Variants in ABTB3 observed in about 807,000 individuals in gnomAD.
ABTB3 encodes the protein ankyrin repeat and BTB domain containing 3, also known as ankyrin repeat- and BTB/POZ domain-containing protein 3.
the ABTB3 span, chr12:107,319,142 A>G: frequency 1.9e-6 from 3 of 1,603,380 alleles, no homozygotes; most frequent in East Asian, 2.2e-5. Context: ...CAGCTTTGAC[A>G]CTGTCAACAC....
At chr12:107,487,988 G>T in the ABTB3 span, among the ~76,000 whole-genome samples, 2 of 151,840 alleles carry the variant, frequency 1.3e-5, no homozygotes, top group African/African-American at 4.8e-5. Flanking sequence ...TGAAAGCTAT[G>T]GGGGAGGGGT....
At chr12:107,651,639 C>T in the ABTB3 span, 1 of 1,517,928 alleles carries the variant, frequency 6.6e-7, no homozygotes, top group Non-Finnish European at 9.1e-7. Context: ...CCATCCACCT[C>T]CCAGCCTCTA....
chr12:107,619,583 C>CT, the ABTB3 span, among the ~76,000 whole-genome samples: 1 of 152,192 alleles, frequency 6.6e-6, no homozygotes, highest in Non-Finnish European at 1.5e-5. Context: ...CTTCTCCCCC[C>CT]TGAGCTTCTT....
the ABTB3 span, among the ~76,000 whole-genome samples, chr12:107,416,019 C>T: frequency 6.6e-6 from 1 of 152,100 alleles, no homozygotes; most frequent in Admixed American, 6.5e-5. Context: ...CACAGCCAGC[C>T]AGTAATGGGA....
chr12:107,422,870 T>C, the ABTB3 span, among the ~76,000 whole-genome samples: 1 of 152,228 alleles, frequency 6.6e-6, no homozygotes, highest in Admixed American at 6.5e-5. Flanking sequence ...TAGCCTTCTC[T>C]CTTATCTTGG....
chr12:107,436,003 G>C, the ABTB3 span, among the ~76,000 whole-genome samples: 1 of 152,128 alleles, frequency 6.6e-6, no homozygotes, highest in African/African-American at 2.4e-5. Context: ...TGACTAGTGG[G>C]TGCCATATTG....
At chr12:107,630,876 T>G in the ABTB3 span, among the ~76,000 whole-genome samples, 2 of 152,262 alleles carry the variant, frequency 1.3e-5, no homozygotes, top group Non-Finnish European at 2.9e-5. Context: ...TTTGTTATAA[T>G]TAATGAACCA....
chr12:107,333,056 C>A, the ABTB3 span, among the ~76,000 whole-genome samples: 1 of 152,180 alleles, frequency 6.6e-6, no homozygotes, highest in African/African-American at 2.4e-5. Context: ...TAAGGAAGAA[C>A]AAGGGGAGCT....
the ABTB3 span, among the ~76,000 whole-genome samples, chr12:107,643,807 A>G: frequency 7.7e-6 from 1 of 130,172 alleles, no homozygotes; most frequent in Non-Finnish European, 1.5e-5. Flanking sequence ...TCTGTTGTCC[A>G]GGTTGGTGTG....
At chr12:107,481,024 C>T in the ABTB3 span, among the ~76,000 whole-genome samples, 3 of 152,236 alleles carry the variant, frequency 2.0e-5, no homozygotes, top group Non-Finnish European at 4.4e-5. Flanking sequence ...CAGTGGTTCT[C>T]GATGACTGGT....
the ABTB3 span, among the ~76,000 whole-genome samples, chr12:107,337,749 T>C: frequency 4.2e-3 from 639 of 152,348 alleles, 5 homozygotes; most frequent in African/African-American, 0.014. Flanking sequence ...TTCAATGCTC[T>C]GATGACACCA....
chr12:107,559,278 A>G, the ABTB3 span, among the ~76,000 whole-genome samples: 5 of 152,232 alleles, frequency 3.3e-5, no homozygotes, highest in Non-Finnish European at 7.3e-5. Context: ...GAATGGTCCC[A>G]AGGGAAGCCA....
the ABTB3 span, among the ~76,000 whole-genome samples, chr12:107,331,397 G>A: frequency 1.3e-5 from 2 of 152,176 alleles, no homozygotes; most frequent in South Asian, 2.1e-4. Flanking sequence ...CAGTTGCTCC[G>A]CGGGAGAGGT....
At chr12:107,392,232 A>C in the ABTB3 span, among the ~76,000 whole-genome samples, 1 of 152,036 alleles carries the variant, frequency 6.6e-6, no homozygotes, top group Non-Finnish European at 1.5e-5. Context: ...GCCGTGAGCT[A>C]GCTTCTTTGG....
the ABTB3 span, among the ~76,000 whole-genome samples, chr12:107,438,247 G>T: frequency 1.3e-5 from 2 of 152,108 alleles, no homozygotes; most frequent in African/African-American, 4.8e-5. Context: ...TGGGGAGGGG[G>T]TTTCACACTG....
chr12:107,339,920 GA>G, the ABTB3 span, among the ~76,000 whole-genome samples: 3 of 152,008 alleles, frequency 2.0e-5, no homozygotes, highest in African/African-American at 7.2e-5. Flanking sequence ...TTCCTGGCTA[GA>G]AAAAAATTTG....
At chr12:107,336,655 A>G in the ABTB3 span, among the ~76,000 whole-genome samples, 3 of 152,316 alleles carry the variant, frequency 2.0e-5, no homozygotes, top group East Asian at 5.8e-4. Flanking sequence ...GATTATACTG[A>G]ATGACCCACT....
the ABTB3 span, chr12:107,610,471 C>T: frequency 1.0e-5 from 12 of 1,202,448 alleles, no homozygotes; most frequent in Non-Finnish European, 1.4e-5. Flanking sequence ...GCTCCCCCTA[C>T]TGACGGCTTA....
the ABTB3 span, among the ~76,000 whole-genome samples, chr12:107,567,105 C>T: frequency 1.3e-5 from 2 of 152,182 alleles, no homozygotes; most frequent in Admixed American, 1.3e-4. Context: ...GGTGACAGAC[C>T]AAGATCTTGT....
Sources: gnomAD v4.1 joint callset for allele counts (sites outside exome capture counted in the v4.1 genomes callset) on GRCh38, gnomAD v4.1.1 for gene constraint, MANE v1.5 for transcripts, NCBI Gene and HGNC (gene_info 2026-07-23, HGNC 2026-07-21) for gene names.